PIWIL2: variants seen among roughly 807,000 people sequenced by gnomAD.
PIWIL2 encodes the protein piwi-like protein 2.
A neutral mutation model predicts 116.5 loss-of-function variants in PIWIL2; 81 were observed. The observed-to-expected ratio is 0.70, with a 90% CI of 0.58 to 0.84. The LOEUF (loss-of-function observed/expected upper bound fraction) is 0.84. PIWIL2 is among the 40% of genes least tolerant of loss of function. PIWIL2 has a pLI of 0.00. For missense variants in PIWIL2, 1,272 were observed against 1,212.3 expected (o/e 1.05, Z -0.73); for synonymous variants, 489 against 429.5 (o/e 1.14, Z -1.71).
rs140308736 is a variant in PIWIL2, at chr8:22,279,558, A to G, written c.172A>G (p.Ser58Gly). The change falls in exon 2 of 23, where the codon AGC becomes GGC. Residue 58 changes from serine (S) to glycine (G), a missense_variant. Transcript: ENST00000356766. ...TGTATTTGGAAAGCCAGAGGAACCA[A>G]GCACACAGAGGGGGCCAGCACAAAG... is the stretch of plus-strand genomic sequence containing the variant. ...GHVFGKPEEP[S>G]TQRGPAQRES... 1,319 of 1,614,170 alleles carry G rather than the reference A, an allele frequency of 8.2e-4. 8 individuals carry two copies. In the African/African-American group the frequency reaches 0.016, roughly 20 times the overall value.
At chr8:22,343,415 G>GC (rs1210231544) in intron 20 of PIWIL2, among the ~76,000 whole-genome samples, 1 of 150,896 alleles carries the variant, frequency 6.6e-6, no homozygotes, top group Non-Finnish European at 1.5e-5. Flanking sequence ...AGCCTGGGCA[G>GC]CAAGAGCGAA....
At chr8:22,320,453 G>A (rs1420286055) in intron 20 of PIWIL2, among the ~76,000 whole-genome samples, 1 of 150,366 alleles carries the variant, frequency 6.7e-6, no homozygotes, top group Admixed American at 6.6e-5. Flanking sequence ...TTTATTTTTA[G>A]TAGAGACGGG....
chr8:22,303,066 C>T (rs1265431728), intron 10 of PIWIL2, among the ~76,000 whole-genome samples: 1 of 152,156 alleles, frequency 6.6e-6, no homozygotes, highest in East Asian at 1.9e-4. Context: ...CTGTAGGAGT[C>T]TCAAAATGAC....
At chr8:22,349,051 CTTTT>C (rs35385064) in intron 20 of PIWIL2, among the ~76,000 whole-genome samples, 4 of 136,808 alleles carry the variant, frequency 2.9e-5, no homozygotes, top group African/African-American at 1.1e-4. Context: ...TTTCTTTTTT[CTTTT>C]TTTTTTTTTT....
At chr8:22,323,734 A>G (rs769741996) in intron 20 of PIWIL2, among the ~76,000 whole-genome samples, 9 of 152,248 alleles carry the variant, frequency 5.9e-5, no homozygotes, top group Non-Finnish European at 8.8e-5. Context: ...CTGGCACATT[A>G]CTAGAGTCCT....
intron 10 of PIWIL2, among the ~76,000 whole-genome samples, chr8:22,302,878 T>A (rs543679119): frequency 1.7e-4 from 26 of 152,358 alleles, no homozygotes; most frequent in Middle Eastern, 3.4e-3. Flanking sequence ...TTACCAGGAT[T>A]TAGCCCTTAA....
Position 22,351,440 on chromosome 8 carries a change from CATATATATATAT to C in PIWIL2, c.2404-1487_2404-1476del, listed in dbSNP as rs71544885. ...ACCTGTAAGGAACAGTGCATACATA[CATATATATATAT>C]ATATATATATATATATATATATATA... On this transcript the variant is annotated intron_variant, in intron 20 of 22. Transcript: ENST00000356766. Among the ~76,000 whole-genome samples the C allele has an allele frequency of 5.7e-3, 300 of 52,940 alleles. 3 individuals are homozygous for C. The highest frequency in any genetic ancestry group is 8.4e-3 in the African/African-American group (151 of 17,902). 34.7% of individuals were successfully genotyped at this position (52,940 alleles called of 152,430 possible).
intron 20 of PIWIL2, among the ~76,000 whole-genome samples, chr8:22,340,045 A>ATTT (rs10626386): frequency 0.3 from 28,239 of 93,676 alleles, 4,775 homozygotes; most frequent in East Asian, 0.56. Flanking sequence ...TATAAAAAGA[A>ATTT]TTTTTTTTTT....
At chr8:22,318,102 C>T (rs1020325952) in intron 19 of PIWIL2, 68 bp from the exon 20 acceptor site, 6 of 949,056 alleles carry the variant, frequency 6.3e-6, no homozygotes, top group African/African-American at 1.6e-5. Flanking sequence ...TGACATAAGC[C>T]ATAGGCTGTC....
chr8:22,316,485 C>CG (rs1004183374), intron 19 of PIWIL2, 152 bp downstream of exon 19: 16 of 574,516 alleles, frequency 2.8e-5, no homozygotes, highest in Non-Finnish European at 3.4e-5. Context: ...TTTTTTTTTT[C>CG]GGGGGGGAGG....
chr8:22,281,444 C>T lies in PIWIL2; in HGVS notation c.354C>T (p.Pro118=). Residue 118 remains proline, a synonymous_variant, in exon 4 of 23, where the codon CCC becomes CCT. Coordinates refer to ENST00000356766, the MANE Select transcript of PIWIL2 (RefSeq NM_018068.5). ...LVRKDREELS[P]TFWDPKVLAA... is the part of the protein sequence containing the mutation. Reference sequence around the variant, plus strand: ...GCAAGGACAGGGAGGAACTCTCTCCCACTTTTTGGGATCCAAAAGTGTTGG... The same window carrying T: ...GCAAGGACAGGGAGGAACTCTCTCCTACTTTTTGGGATCCAAAAGTGTTGG... 2 of 1,605,728 alleles carry T rather than the reference C, an allele frequency of 1.2e-6. No homozygotes were observed. The highest frequency in any genetic ancestry group is 1.7e-6 in the Non-Finnish European group (2 of 1,178,242).
At chr8:22,341,876 G>A (rs1004872460) in intron 20 of PIWIL2, among the ~76,000 whole-genome samples, 3 of 151,058 alleles carry the variant, frequency 2.0e-5, no homozygotes, top group African/African-American at 7.3e-5. Context: ...GATTGTCTAT[G>A]TAGAAAATCC....
intron 20 of PIWIL2, among the ~76,000 whole-genome samples, chr8:22,319,222 G>T (rs971267014): frequency 2.1e-4 from 32 of 152,128 alleles, no homozygotes; most frequent in African/African-American, 7.7e-4. Context: ...AGTCTCTAAG[G>T]CTCCACCTTG....
Position 22,311,315 on chromosome 8 carries a change from C to G in PIWIL2, c.1989+15C>G, listed in dbSNP as rs765053871. ...TAGGAGCTGAGGTAAAAATGTAATTCAAATAAATTTATAGGATGTCCATTT... is the reference window on the plus strand; with the variant it reads ...TAGGAGCTGAGGTAAAAATGTAATTGAAATAAATTTATAGGATGTCCATTT... On this transcript the variant is annotated intron_variant, in intron 16 of 22. Coordinates refer to ENST00000356766, the MANE Select transcript of PIWIL2 (RefSeq NM_018068.5). 5 of 1,578,106 alleles carry G rather than the reference C, an allele frequency of 3.2e-6. No homozygotes were observed. Among genetic ancestry groups the G allele is most frequent in the Middle Eastern group, 1.7e-4 (1 of 5,936 alleles).
At chr8:22,301,726 G>T (rs947301490) in intron 10 of PIWIL2, among the ~76,000 whole-genome samples, 3 of 147,984 alleles carry the variant, frequency 2.0e-5, no homozygotes, top group South Asian at 2.1e-4. Flanking sequence ...AAGATTTTCT[G>T]TTTTTTTTTT....
At chr8:22,276,786 C>T (rs1265231022) in intron 1 of PIWIL2, among the ~76,000 whole-genome samples, 2 of 151,934 alleles carry the variant, frequency 1.3e-5, no homozygotes, top group African/African-American at 2.4e-5. Context: ...GCCTGAAGTC[C>T]TAGCTACTTG....
rs1308867427 is a variant in PIWIL2 at position 22,356,680 on chromosome 8, C to T, written c.*1175C>T. 1 of 152,096 alleles carries T rather than the reference C, an allele frequency of 6.6e-6. No individual in the cohort carries two copies. The highest frequency in any genetic ancestry group is 2.4e-5 in the African/African-American group (1 of 41,402). 9.4% of individuals were successfully genotyped at this position (152,096 alleles called of 1,614,324 possible). On this transcript the variant is annotated 3_prime_UTR_variant, in exon 23 of 23. Coordinates refer to ENST00000356766, the MANE Select transcript of PIWIL2 (RefSeq NM_018068.5). ...AAATGGAATTACCCCCTTTCTCTTG[C>T]AAAATAACCGCTTCCTGGCTGTTGG...
intron 6 of PIWIL2, among the ~76,000 whole-genome samples, chr8:22,286,930 A>T (rs901896542): frequency 2.0e-5 from 3 of 151,368 alleles, no homozygotes; most frequent in South Asian, 2.1e-4. Flanking sequence ...GCAAAAAAAA[A>T]TTTTTTTTTA....
At chr8:22,277,561 A>C (rs1830405858) in intron 1 of PIWIL2, among the ~76,000 whole-genome samples, 1 of 152,062 alleles carries the variant, frequency 6.6e-6, no homozygotes, top group Non-Finnish European at 1.5e-5. Flanking sequence ...TTGTAGAGAC[A>C]GGGTCTCGTT....
Sources: gnomAD v4.1 joint callset for allele counts (sites outside exome capture counted in the v4.1 genomes callset) on GRCh38, gnomAD v4.1.1 for gene constraint, MANE v1.5 for transcripts, NCBI Gene and HGNC (gene_info 2026-07-23, HGNC 2026-07-21) for gene names.